Variants in USB1 observed in about 807,000 individuals in gnomAD.
USB1 encodes U6 snRNA phosphodiesterase 1.
USB1 carries 21 observed loss-of-function variants against 29.9 expected under a neutral mutation model. The ratio of observed to expected loss-of-function variants is 0.70; its 90% CI spans 0.50 to 1.01. The LOEUF (loss-of-function observed/expected upper bound fraction) is 1.01, where lower values mean the gene tolerates loss of function less well. Ranked by LOEUF, USB1 falls within the 50% of genes least tolerant of loss-of-function variation. The pLI is 0.00. For synonymous variants in USB1, 143 were observed against 134.9 expected (o/e 1.06, Z -0.42); for missense variants, 330 against 347.1 (o/e 0.95, Z 0.39).
chr16:58,000,976 A>T (rs936929802), upstream of USB1, among the ~76,000 whole-genome samples: 10 of 151,972 alleles, frequency 6.6e-5, no homozygotes, highest in African/African-American at 2.4e-4. The surrounding 1 kb of genome is among the most constrained non-coding windows in gnomAD (Gnocchi z 4.5). Flanking sequence ...GGGGCCTCCT[A>T]GAGGCTCTGG....
Position 58,017,446 on chromosome 16 carries a change from A to C in USB1, c.609+7A>C. ...CCTCACCACTTTCTACCAGGTAATG[A>C]ATGGGGCTGCTGCTTCTCCATTGAC... On this transcript the variant is annotated splice_region_variant and intron_variant, in intron 5 of 6. Transcript: ENST00000219281. The C allele has an allele frequency of 6.2e-7, 1 of 1,610,608 alleles. No individual in the cohort carries two copies. Among genetic ancestry groups the C allele is most frequent in the Non-Finnish European group, 8.5e-7 (1 of 1,176,824 alleles).
chr16:58,005,359 G>T (rs576806485), intron 2 of USB1, among the ~76,000 whole-genome samples: 1 of 152,278 alleles, frequency 6.6e-6, no homozygotes, highest in African/African-American at 2.4e-5. Flanking sequence ...CCTTGGCACT[G>T]ACGCTACCGT....
chr16:58,012,627 C>T (rs1963522936), intron 3 of USB1: 1 of 1,339,050 alleles, frequency 7.5e-7, no homozygotes. Context: ...ACTGCCTGGT[C>T]TGACCCGTCT....
At chr16:58,000,660 T>C (rs940783959), upstream of USB1, among the ~76,000 whole-genome samples, 3 of 133,126 alleles carry the variant, frequency 2.3e-5, no homozygotes, top group African/African-American at 5.6e-5. This position sits in a 1 kb window ranked among gnomAD's most constrained non-coding sequence, Gnocchi z 4.5. Context: ...CCGATGGCCT[T>C]GCGGAGACGG....
In USB1 at chr16:58,020,492, CCTCTCTT is replaced by C. The variant is rs1963712662; in HGVS notation, c.*256_*262del. 1.1e-5 allele frequency: 6 copies of C among 549,360 alleles called. No homozygotes were observed. The highest frequency in any genetic ancestry group is 3.2e-5 in the East Asian group (1 of 31,724). 34.0% of individuals were successfully genotyped at this position (549,360 alleles called of 1,614,324 possible). On this transcript the variant is annotated 3_prime_UTR_variant, in exon 7 of 7. Coordinates refer to ENST00000219281, the MANE Select transcript of USB1 (RefSeq NM_024598.4). ...TCTGTCTCTCTTCCTCTCCTCTCTT[CCTCTCTT>C]CTCTCTTCCTCTCCTCTCTCTCTTC...
intron 4 of USB1, among the ~76,000 whole-genome samples, chr16:58,014,782 C>A (rs1253519544): frequency 6.6e-6 from 1 of 151,148 alleles, no homozygotes; most frequent in Non-Finnish European, 1.5e-5. Flanking sequence ...GACCCTGTCT[C>A]AAAAAAATAA....
At chr16:58,010,586 G>C (rs1330815063) in intron 3 of USB1, 1 of 253,582 alleles carries the variant, frequency 3.9e-6, no homozygotes, top group African/African-American at 2.4e-5. Context: ...CACAACATCT[G>C]TCTGATTTCA....
chr16:58,014,659 T>C (rs1213890797), intron 4 of USB1, among the ~76,000 whole-genome samples: 6 of 152,166 alleles, frequency 3.9e-5, no homozygotes, highest in African/African-American at 1.4e-4. Flanking sequence ...AGTGTGTGCC[T>C]GTAGTTCCAG....
At chr16:58,015,933 G>A (rs1169454234) in intron 4 of USB1, 1 of 152,310 alleles carries the variant, frequency 6.6e-6, no homozygotes, top group Non-Finnish European at 1.5e-5. Context: ...GCTCAAGTAA[G>A]GAGTTTGAAT....
intron 3 of USB1, chr16:58,011,257 GTCATGGTAATGGTGGGAGCTACC>G (rs1051341931): frequency 2.1e-5 from 30 of 1,456,708 alleles, no homozygotes; most frequent in Non-Finnish European, 2.4e-5. Context: ...GGTCAAACAG[GTCATGGTAATGGTGGGAGCTACC>G]TCACTGGGGG....
intron 3 of USB1, chr16:58,014,014 T>C (rs1011255493): frequency 3.3e-5 from 15 of 457,944 alleles, no homozygotes; most frequent in Non-Finnish European, 4.3e-5. Flanking sequence ...AAATTGTTTA[T>C]CGAAATGAAC....
chr16:58,012,097 T>C, intron 3 of USB1: 2 of 1,386,868 alleles, frequency 1.4e-6, no homozygotes, highest in South Asian at 3.6e-5. Context: ...CAGGGGGCCA[T>C]AGGCCCAGGA....
Position 58,013,879 on chromosome 16 carries a change from A to G in USB1, c.450-394A>G, listed in dbSNP as rs1963553957. 1 of 232,690 alleles carries G rather than the reference A, an allele frequency of 4.3e-6. No individual in the cohort carries two copies. Among genetic ancestry groups the G allele is most frequent in the African/African-American group, 2.3e-5 (1 of 43,466 alleles). 14.4% of individuals were successfully genotyped at this position (232,690 alleles called of 1,614,324 possible). On this transcript the variant is annotated intron_variant, in intron 3 of 6. Transcript: ENST00000219281. This position sits in a 1 kb window ranked among gnomAD's most constrained non-coding sequence, Gnocchi z 4.3. ...CGAAGAAATGTTGTCGTGATTGCTT[A>G]GATGAAATCGGAGTCATCTATTTTA...
rs980849048 is a variant in USB1, at chr16:58,013,381, T to C, written c.450-892T>C. 2 of 985,412 alleles carry C rather than the reference T, an allele frequency of 2.0e-6. No homozygotes were observed. Among genetic ancestry groups the C allele is most frequent in the African/African-American group, 3.5e-5 (2 of 57,244 alleles). The allele number at this position is 985,412 out of a possible 1,614,324, so 61.0% of individuals were successfully genotyped here. A position where few individuals can be genotyped will look rare whatever the true frequency, so the allele number is the denominator to read the frequency against. On this transcript the variant is annotated intron_variant, in intron 3 of 6. Coordinates refer to ENST00000219281, the MANE Select transcript of USB1 (RefSeq NM_024598.4). The surrounding 1 kb of genome is among the most constrained non-coding windows in gnomAD (Gnocchi z 4.3). Reference sequence around the variant, plus strand: ...GGCAGAGAGTTGGCTGACTGACTTTTGCCCTTGGGCAGATTGTGAGGCTCT... The same window carrying C: ...GGCAGAGAGTTGGCTGACTGACTTTCGCCCTTGGGCAGATTGTGAGGCTCT...
At chr16:58,008,425 A>G (rs1400224130) in intron 2 of USB1, among the ~76,000 whole-genome samples, 5 of 148,730 alleles carry the variant, frequency 3.4e-5, no homozygotes, top group Non-Finnish European at 7.4e-5. Flanking sequence ...TGAAACTCAG[A>G]TGATTGACTT....
chr16:58,013,493 G>A lies in USB1; in HGVS notation c.450-780G>A, dbSNP rs1963543963. 2.0e-6 allele frequency: 2 copies of A among 984,534 alleles called. No homozygotes were observed. Among genetic ancestry groups the A allele is most frequent in the African/African-American group, 3.5e-5 (2 of 56,910 alleles). The allele number at this position is 984,534 out of a possible 1,614,324, so 61.0% of individuals were successfully genotyped here. ...GTAAAATGATCTGTTTCTGTGAGGA[G>A]ACTTTCCATGGTGAGATTGCTAGTG... is the stretch of plus-strand genomic sequence containing the variant. On this transcript the variant is annotated intron_variant, in intron 3 of 6. Transcript: ENST00000219281. The surrounding 1 kb of genome is among the most constrained non-coding windows in gnomAD (Gnocchi z 4.3).
chr16:58,008,004 C>A (rs1006738566), intron 2 of USB1, among the ~76,000 whole-genome samples: 17 of 151,958 alleles, frequency 1.1e-4, no homozygotes, highest in African/African-American at 3.9e-4. Flanking sequence ...AATAATAATT[C>A]AATTTGTTTA....
intron 2 of USB1, among the ~76,000 whole-genome samples, chr16:58,006,882 A>C (rs1963373056): frequency 6.6e-6 from 1 of 152,250 alleles, no homozygotes; most frequent in African/African-American, 2.4e-5. Context: ...AAGTTAACAA[A>C]GTTCCCCTCT....
intron 2 of USB1, among the ~76,000 whole-genome samples, chr16:58,006,919 C>T (rs1222999424): frequency 6.6e-6 from 1 of 152,142 alleles, no homozygotes; most frequent in Non-Finnish European, 1.5e-5. Context: ...GAGTTTTTAT[C>T]TTGAATGGGT....
Sources: gnomAD v4.1 joint callset for allele counts (sites outside exome capture counted in the v4.1 genomes callset) on GRCh38, gnomAD v4.1.1 for gene constraint, Gnocchi (gnomAD v3.1) non-coding constraint, MANE v1.5 for transcripts, NCBI Gene and HGNC (gene_info 2026-07-23, HGNC 2026-07-21) for gene names.